SIPA1L1: variants seen among roughly 807,000 people sequenced by gnomAD.
The protein encoded by SIPA1L1 is signal induced proliferation associated 1 like 1, also known as signal-induced proliferation-associated 1-like protein 1.
Under a neutral mutation model 162.7 loss-of-function variants are expected in SIPA1L1, and 26 were observed. The ratio of observed to expected loss-of-function variants is 0.16; its 90% CI spans 0.12 to 0.22. The LOEUF is 0.22. SIPA1L1 is among the 10% of genes least tolerant of loss of function. SIPA1L1 has a pLI of 1.00. For missense variants in SIPA1L1, 1,874 were observed against 2,241.0 expected (o/e 0.84, Z 3.31); for synonymous variants, 829 against 837.4 (o/e 0.99, Z 0.17).
intron 2 of SIPA1L1, among the ~76,000 whole-genome samples, chr14:71,425,845 T>TA: frequency 9.8e-6 from 1 of 102,340 alleles, no homozygotes; most frequent in South Asian, 2.8e-4. Context: ...CTCTTTGGTT[T>TA]TATTTTAGAT....
At chr14:71,375,784 T>A (rs2039319344) in intron 2 of SIPA1L1, among the ~76,000 whole-genome samples, 1 of 152,194 alleles carries the variant, frequency 6.6e-6, no homozygotes, top group Admixed American at 6.5e-5. Flanking sequence ...TGAATGTCTA[T>A]TGGATTTTGT....
At chr14:71,437,106 G>C (rs2044446458) in intron 2 of SIPA1L1, among the ~76,000 whole-genome samples, 1 of 151,986 alleles carries the variant, frequency 6.6e-6, no homozygotes, top group Non-Finnish European at 1.5e-5. Context: ...ATCTTATTGG[G>C]ATTGCGTTAA....
rs2083970870 is a variant in SIPA1L1 at position 71,723,755 on chromosome 14, C to T, written c.4317C>T (p.Phe1439=). Residue 1439 remains phenylalanine (F), a synonymous_variant, in exon 18 of 24, where the codon TTC becomes TTT. Coordinates refer to ENST00000381232, the MANE Select transcript of SIPA1L1 (RefSeq NM_001386936.1). ...CCCCCTCACAGCTCGCACCATCCTT[C>T]TCCTCCTCTTCCTCCTCCTCCTCTG... is the stretch of plus-strand genomic sequence containing the variant. The part of the protein sequence containing the change: ...PAAPSQLAPS[F]SSSSSSSSGP... 1.2e-6 allele frequency: 2 copies of T among 1,614,104 alleles called. No individual in the cohort carries two copies. The highest frequency in any genetic ancestry group is 1.6e-4 in the Middle Eastern group (1 of 6,084).
At chr14:71,486,722 A>C (rs1262311035) in intron 2 of SIPA1L1, among the ~76,000 whole-genome samples, 1 of 152,188 alleles carries the variant, frequency 6.6e-6, no homozygotes, top group East Asian at 1.9e-4. Context: ...GAAATATTTC[A>C]GCTTTCGACA....
intron 2 of SIPA1L1, among the ~76,000 whole-genome samples, chr14:71,446,627 C>G (rs910948493): frequency 6.6e-6 from 1 of 152,102 alleles, no homozygotes; most frequent in Non-Finnish European, 1.5e-5. Context: ...TGTGTAATCA[C>G]TTGTTACAAA....
intron 2 of SIPA1L1, among the ~76,000 whole-genome samples, chr14:71,486,125 G>C (rs1358889280): frequency 1.3e-5 from 2 of 152,234 alleles, no homozygotes; most frequent in African/African-American, 4.8e-5. Context: ...GAAAAAGATA[G>C]TGAATCATGA....
At chr14:71,404,139 C>G (rs955629547) in intron 2 of SIPA1L1, among the ~76,000 whole-genome samples, 1 of 152,134 alleles carries the variant, frequency 6.6e-6, no homozygotes, top group African/African-American at 2.4e-5. Flanking sequence ...CTATAGTCAA[C>G]TTTTTGTAAA....
At chr14:71,504,701 C>T (rs948689747) in intron 2 of SIPA1L1, among the ~76,000 whole-genome samples, 5 of 152,132 alleles carry the variant, frequency 3.3e-5, no homozygotes, top group South Asian at 2.1e-4. Flanking sequence ...ATATAAGATG[C>T]GTACTGATTT....
At chr14:71,503,761 C>T (rs1320348299) in intron 2 of SIPA1L1, 6 of 150,596 alleles carry the variant, frequency 4.0e-5, no homozygotes, top group Non-Finnish European at 8.9e-5. Context: ...ATTAAATTGC[C>T]CTGAGTGATA....
intron 2 of SIPA1L1, chr14:71,379,737 G>C (rs367579592): frequency 6.6e-6 from 1 of 152,252 alleles, no homozygotes; most frequent in Non-Finnish European, 1.5e-5. Flanking sequence ...CTATTTCAGT[G>C]ATTTGAAAAC....
intron 4 of SIPA1L1, among the ~76,000 whole-genome samples, chr14:71,553,118 C>T (rs1205075522): frequency 6.6e-6 from 1 of 152,152 alleles, no homozygotes; most frequent in Non-Finnish European, 1.5e-5. Flanking sequence ...ACTTTTTCTT[C>T]TATTTCCTTT....
chr14:71,384,451 C>T (rs147375363), intron 2 of SIPA1L1, among the ~76,000 whole-genome samples: 106 of 152,196 alleles, frequency 7.0e-4, no homozygotes, highest in Non-Finnish European at 1.0e-3. Flanking sequence ...GAGTGGTGCA[C>T]GGGAATGGGT....
intron 2 of SIPA1L1, among the ~76,000 whole-genome samples, chr14:71,505,959 T>C (rs762395323): frequency 2.9e-5 from 4 of 136,058 alleles, no homozygotes; most frequent in Non-Finnish European, 6.6e-5. Context: ...TATGCAAATA[T>C]TCCCCCCCCC....
At chr14:71,547,781 AC>A (rs1378353727) in intron 4 of SIPA1L1, among the ~76,000 whole-genome samples, 1 of 152,186 alleles carries the variant, frequency 6.6e-6, no homozygotes, top group African/African-American at 2.4e-5. Flanking sequence ...CGTGAGCTGC[AC>A]TTCAAGATTC....
At chr14:71,479,422 G>T (rs1432613324) in intron 2 of SIPA1L1, among the ~76,000 whole-genome samples, 3 of 151,736 alleles carry the variant, frequency 2.0e-5, no homozygotes, top group Non-Finnish European at 4.4e-5. Flanking sequence ...TAGAGACAGG[G>T]TCTTGCTCTG....
intron 2 of SIPA1L1, among the ~76,000 whole-genome samples, chr14:71,381,049 T>C (rs1322654656): frequency 6.6e-6 from 1 of 152,200 alleles, no homozygotes; most frequent in African/African-American, 2.4e-5. Flanking sequence ...TTCATTGATA[T>C]GACTTATTTT....
chr14:71,513,287 G>A (rs920456920), intron 3 of SIPA1L1, among the ~76,000 whole-genome samples: 1 of 152,026 alleles, frequency 6.6e-6, no homozygotes, highest in African/African-American at 2.4e-5. Context: ...TGGACACTTG[G>A]TTGTTGTGGA....
At chr14:71,464,383 C>G (rs1364614166) in intron 2 of SIPA1L1, among the ~76,000 whole-genome samples, 1 of 152,226 alleles carries the variant, frequency 6.6e-6, no homozygotes, top group Non-Finnish European at 1.5e-5. Context: ...CAGCTCACGC[C>G]TGTAATCCCA....
chr14:71,481,756 A>G (rs1038248843), intron 2 of SIPA1L1, among the ~76,000 whole-genome samples: 1 of 152,230 alleles, frequency 6.6e-6, no homozygotes, highest in Admixed American at 6.5e-5. Context: ...ACTGTAGGTG[A>G]TCATAAATCT....
Sources: gnomAD v4.1 joint callset for allele counts (sites outside exome capture counted in the v4.1 genomes callset) on GRCh38, gnomAD v4.1.1 for gene constraint, MANE v1.5 for transcripts, NCBI Gene and HGNC (gene_info 2026-07-23, HGNC 2026-07-21) for gene names.